The following VPS13B variants were observed in gnomAD, a reference collection of about 807,000 sequenced individuals.
VPS13B encodes the protein intermembrane lipid transfer protein VPS13B.
A neutral mutation model predicts 426.4 loss-of-function variants in VPS13B; 285 were observed. That is an observed-to-expected ratio of 0.67 (90% confidence interval 0.61 to 0.74). The LOEUF (loss-of-function observed/expected upper bound fraction) is 0.74. Ranked by LOEUF, VPS13B falls within the 30% of genes least tolerant of loss-of-function variation. The probability of loss-of-function intolerance (pLI) is 0.00; values close to 1 mark genes in which losing one functional copy is unlikely to be tolerated. For synonymous variants in VPS13B, 1,676 were observed against 1,676.4 expected (o/e 1.00, Z 0.01); for missense variants, 4,537 against 4,782.6 (o/e 0.95, Z 1.51).
intron 21 of VPS13B, among the ~76,000 whole-genome samples, chr8:99,419,158 T>G (rs1286253328): frequency 6.6e-6 from 1 of 152,178 alleles, no homozygotes; most frequent in Non-Finnish European, 1.5e-5. Context: ...CCCCTAGTGC[T>G]GTCTCCTGGT....
chr8:99,642,725 C>G (rs1241599088), intron 34 of VPS13B, among the ~76,000 whole-genome samples: 1 of 152,082 alleles, frequency 6.6e-6, no homozygotes, highest in Non-Finnish European at 1.5e-5. Flanking sequence ...CATTCTTTTT[C>G]CAGGAACTGA....
chr8:99,215,047 G>A (rs565125504), intron 17 of VPS13B, among the ~76,000 whole-genome samples: 102 of 152,208 alleles, frequency 6.7e-4, no homozygotes, highest in African/African-American at 2.4e-3. Context: ...CCTTCTTTAA[G>A]TAGAAAATAG....
intron 60 of VPS13B, chr8:99,871,161 G>A (rs568103170): frequency 1.7e-6 from 1 of 601,522 alleles, no homozygotes; most frequent in African/African-American, 1.8e-5. Flanking sequence ...TAGAGGGCCT[G>A]AGATTCCCTG....
intron 4 of VPS13B, among the ~76,000 whole-genome samples, chr8:99,099,364 C>T (rs974853638): frequency 7.2e-5 from 11 of 152,230 alleles, no homozygotes; most frequent in South Asian, 2.1e-4. Context: ...AACTTGACTA[C>T]GATGTTTTTA....
At chr8:99,391,835 C>T in intron 21 of VPS13B, 131 bp downstream of exon 21, 1 of 1,213,326 alleles carries the variant, frequency 8.2e-7, no homozygotes, top group South Asian at 1.3e-5. Context: ...ACTTTATTAT[C>T]CACAACATTA....
intron 17 of VPS13B, among the ~76,000 whole-genome samples, chr8:99,229,497 G>GATTC (rs1816204333): frequency 6.6e-6 from 1 of 151,948 alleles, no homozygotes; most frequent in Non-Finnish European, 1.5e-5. Context: ...TTGATTGATT[G>GATTC]ATTCAGTGAG....
At chr8:99,331,721 A>G (rs1810554535) in intron 19 of VPS13B, among the ~76,000 whole-genome samples, 1 of 151,744 alleles carries the variant, frequency 6.6e-6, no homozygotes, top group African/African-American at 2.4e-5. Context: ...GGTTTGGTGT[A>G]GGTTAAATTG....
intron 52 of VPS13B, among the ~76,000 whole-genome samples, chr8:99,833,834 T>C (rs1228397739): frequency 1.3e-5 from 2 of 152,266 alleles, no homozygotes; most frequent in Non-Finnish European, 1.5e-5. Flanking sequence ...ACTTGAGTCC[T>C]GGCCCTAGCC....
chr8:99,789,038 A>G (rs75772121), intron 43 of VPS13B, among the ~76,000 whole-genome samples: 3,587 of 152,296 alleles, frequency 0.024, 349 homozygotes, highest in East Asian at 0.18. Flanking sequence ...TATTTTTATT[A>G]TACTCATTCT....
At chr8:99,437,608 G>C (rs1381158232) in intron 22 of VPS13B, among the ~76,000 whole-genome samples, 1 of 152,020 alleles carries the variant, frequency 6.6e-6, no homozygotes, top group Admixed American at 6.6e-5. Context: ...GTCCCACCTA[G>C]TCTGGAGGCC....
At chr8:99,057,476 T>C (rs1382878617) in intron 3 of VPS13B, among the ~76,000 whole-genome samples, 1 of 152,166 alleles carries the variant, frequency 6.6e-6, no homozygotes, top group African/African-American at 2.4e-5. Context: ...CTGTTGTTAC[T>C]TTTCTGCTAC....
chr8:99,522,320 G>T (rs569792343), intron 30 of VPS13B, among the ~76,000 whole-genome samples: 5 of 152,262 alleles, frequency 3.3e-5, no homozygotes, highest in Non-Finnish European at 5.9e-5. Flanking sequence ...TTTGGTGAAA[G>T]AAATCTAGGT....
intron 17 of VPS13B, among the ~76,000 whole-genome samples, chr8:99,265,846 C>T (rs1446172876): frequency 1.3e-5 from 2 of 152,160 alleles, no homozygotes; most frequent in Non-Finnish European, 2.9e-5. Context: ...CTACTCATTG[C>T]TACTTGTTCA....
At chr8:99,830,214 C>T (rs1464565906) in intron 51 of VPS13B, among the ~76,000 whole-genome samples, 2 of 152,234 alleles carry the variant, frequency 1.3e-5, no homozygotes, top group African/African-American at 2.4e-5. Context: ...CCCCTTCCCC[C>T]AGGTGCTCTG....
chr8:99,289,482 T>C (rs185224719), intron 19 of VPS13B, among the ~76,000 whole-genome samples: 5 of 152,248 alleles, frequency 3.3e-5, no homozygotes, highest in African/African-American at 1.2e-4. Context: ...TTAGTGTTAC[T>C]TTGGGCTCAA....
At chr8:99,307,645 G>T (rs1820713606) in intron 19 of VPS13B, among the ~76,000 whole-genome samples, 1 of 151,874 alleles carries the variant, frequency 6.6e-6, no homozygotes, top group African/African-American at 2.4e-5. Context: ...TTGTTTATTT[G>T]GGTCTTATCT....
At chr8:99,274,163 A>C in intron 17 of VPS13B, 35 bp from the exon 18 acceptor site, 1 of 1,613,802 alleles carries the variant, frequency 6.2e-7, no homozygotes, top group Non-Finnish European at 8.5e-7. Flanking sequence ...ATTTAAATTC[A>C]ATCGGCTAGT....
rs1457829606 is a variant in VPS13B at position 99,502,857 on chromosome 8, T to C, written c.4064T>C (p.Leu1355Pro). The C allele has an allele frequency of 6.2e-7, 1 of 1,613,376 alleles. No individual in the cohort carries two copies. The highest frequency in any genetic ancestry group is 1.3e-5 in the African/African-American group (1 of 75,040). Reference protein sequence around the residue: ...KGTEVCMVSELEDLSASIDVQ... With the variant: ...KGTEVCMVSEPEDLSASIDVQ... ...GCAGAGGTTTGTATGGTCAGTGAAC[T>C]AGAAGATCTCAGTGCTTCCATAGAT... is the stretch of plus-strand genomic sequence containing the variant. The change falls in exon 27 of 62, where the codon CTA becomes CCA. Residue 1355 changes from leucine (L) to proline (P), a missense_variant. Leu to Pro is a moderately conservative substitution (Grantham distance 98, BLOSUM62 -3). Transcript: ENST00000357162.
At chr8:99,286,175 G>C (rs1205955223) in intron 19 of VPS13B, among the ~76,000 whole-genome samples, 1 of 152,162 alleles carries the variant, frequency 6.6e-6, no homozygotes, top group Non-Finnish European at 1.5e-5. Context: ...ACCATAACTA[G>C]TGTATGATAG....
Sources: gnomAD v4.1 joint callset for allele counts (sites outside exome capture counted in the v4.1 genomes callset) on GRCh38, gnomAD v4.1.1 for gene constraint, MANE v1.5 for transcripts, NCBI Gene and HGNC (gene_info 2026-07-23, HGNC 2026-07-21) for gene names.